STXBP5L: variants seen among roughly 807,000 people sequenced by gnomAD.
STXBP5L encodes syntaxin-binding protein 5-like.
Under a neutral mutation model 144.5 loss-of-function variants are expected in STXBP5L, and 65 were observed. The ratio of observed to expected loss-of-function variants is 0.45; its 90% CI spans 0.37 to 0.55. The LOEUF (loss-of-function observed/expected upper bound fraction) is 0.55. Ranked by LOEUF, STXBP5L falls within the 20% of genes least tolerant of loss-of-function variation. STXBP5L has a pLI of 0.00. For missense variants in STXBP5L, 1,298 were observed against 1,405.5 expected (o/e 0.92, Z 1.22); for synonymous variants, 505 against 469.6 (o/e 1.08, Z -0.97).
At position 121,248,525 on chromosome 3, in the gene STXBP5L, T is replaced by A. The variant is rs907297850; in HGVS notation, c.1401-2198T>A. On this transcript the variant is annotated intron_variant, in intron 14 of 26. Transcript: ENST00000471454. ...CTTTTTGGTTTGTTCAAGTTCCTCA[T>A]GGATTCTGGGTATTAGACATACTTT... Among the ~76,000 whole-genome samples, 8 of 152,330 alleles carry A rather than the reference T, an allele frequency of 5.3e-5. No homozygotes were observed. In the South Asian group the frequency reaches 1.2e-3, roughly 24 times the overall value.
intron 19 of STXBP5L, among the ~76,000 whole-genome samples, chr3:121,312,277 G>A (rs1220836214): frequency 6.6e-6 from 1 of 151,076 alleles, no homozygotes; most frequent in Non-Finnish European, 1.5e-5. Flanking sequence ...CAGGACATAG[G>A]CATGGGCAAG....
chr3:121,028,020 A>G (rs766745298), intron 3 of STXBP5L, among the ~76,000 whole-genome samples: 6 of 152,098 alleles, frequency 3.9e-5, no homozygotes, highest in Non-Finnish European at 7.4e-5. Context: ...GCCAGAAATA[A>G]TCTGTTCTGG....
rs2043022412 is a variant in STXBP5L at position 121,094,739 on chromosome 3, G to A, written c.471-20186G>A. Among the ~76,000 whole-genome samples the A allele has an allele frequency of 2.0e-5, 3 of 152,280 alleles. No individual in the cohort carries two copies. In the South Asian group the frequency reaches 6.2e-4, roughly 32 times the overall value. ...GACTCCTTATCCAATTTGCCAGTCT[G>A]TGTCTTTTAATTGGAGCATGTAGTC... is the stretch of plus-strand genomic sequence containing the variant. On this transcript the variant is annotated intron_variant, in intron 5 of 26. Coordinates refer to ENST00000471454, the MANE Select transcript of STXBP5L (RefSeq NM_001308330.2).
chr3:121,350,485 C>A (rs544939543), intron 20 of STXBP5L, among the ~76,000 whole-genome samples: 2 of 152,182 alleles, frequency 1.3e-5, no homozygotes, highest in South Asian at 4.1e-4. Flanking sequence ...CTCTGTATTT[C>A]TTGAATTTGA....
intron 3 of STXBP5L, among the ~76,000 whole-genome samples, chr3:120,991,536 G>A (rs1367423826): frequency 6.6e-6 from 1 of 152,260 alleles, no homozygotes; most frequent in African/African-American, 2.4e-5. Flanking sequence ...GCACATGTAT[G>A]TTTATGGTGG....
intron 6 of STXBP5L, 53 bp from the exon 7 acceptor site, chr3:121,121,588 G>A: frequency 7.8e-7 from 1 of 1,282,596 alleles, no homozygotes; most frequent in South Asian, 1.3e-5. Context: ...GTCTCTAGTG[G>A]TAAGGTATTT....
chr3:121,115,099 C>T (rs1159854058), intron 6 of STXBP5L, 40 bp downstream of exon 6: 1 of 1,573,782 alleles, frequency 6.4e-7, no homozygotes, highest in South Asian at 1.2e-5. Context: ...GGCTTAAATA[C>T]TTCATACAGT....
At chr3:121,350,455 A>T (rs1371878528) in intron 20 of STXBP5L, among the ~76,000 whole-genome samples, 7 of 152,018 alleles carry the variant, frequency 4.6e-5, no homozygotes, top group Non-Finnish European at 1.5e-5. Context: ...GCTCTTCTCG[A>T]GGAGTATCTT....
At chr3:121,091,141 G>T (rs1226766308) in intron 5 of STXBP5L, among the ~76,000 whole-genome samples, 2 of 148,484 alleles carry the variant, frequency 1.3e-5, no homozygotes, top group African/African-American at 2.5e-5. Context: ...GTATTCCATG[G>T]TGTATATGTG....
chr3:121,154,274 A>G (rs2046040646), intron 8 of STXBP5L, among the ~76,000 whole-genome samples: 1 of 151,836 alleles, frequency 6.6e-6, no homozygotes, highest in South Asian at 2.1e-4. Flanking sequence ...ATAGTTAAAT[A>G]CTTCATTTCA....
chr3:121,068,145 G>A (rs1322776150), intron 5 of STXBP5L, among the ~76,000 whole-genome samples: 2 of 151,988 alleles, frequency 1.3e-5, no homozygotes, highest in African/African-American at 4.8e-5. Context: ...AAGTAGCTGG[G>A]CCTACAGGCA....
chr3:121,323,757 T>TG (rs2044054344), intron 20 of STXBP5L, among the ~76,000 whole-genome samples: 2 of 151,662 alleles, frequency 1.3e-5, no homozygotes, highest in South Asian at 4.2e-4. Flanking sequence ...TACAACCTTT[T>TG]TTTTCTCACC....
intron 22 of STXBP5L, among the ~76,000 whole-genome samples, chr3:121,397,964 C>A (rs2046774171): frequency 6.6e-6 from 1 of 152,200 alleles, no homozygotes; most frequent in Non-Finnish European, 1.5e-5. Flanking sequence ...CTTTAAATTT[C>A]TTTCCCTGAA....
chr3:121,077,633 G>A lies in STXBP5L; in HGVS notation c.470+32098G>A, dbSNP rs138899251. Among the ~76,000 whole-genome samples the A allele has an allele frequency of 9.1e-3, 1,387 of 152,198 alleles. 19 individuals carry two copies. The highest frequency in any genetic ancestry group is 0.032 in the African/African-American group (1,331 of 41,518). The stretch of plus-strand genomic sequence containing the variant: ...CAGCCTGCTTTTATTCTCTTAACTG[G>A]CCCCACCCACATCCTGCTGATTGGT... On this transcript the variant is annotated intron_variant, in intron 5 of 26. Coordinates refer to ENST00000471454, the MANE Select transcript of STXBP5L (RefSeq NM_001308330.2).
intron 3 of STXBP5L, among the ~76,000 whole-genome samples, chr3:121,005,644 AG>A (rs1394071303): frequency 2.6e-5 from 4 of 151,942 alleles, no homozygotes; most frequent in Non-Finnish European, 5.9e-5. Flanking sequence ...TTGTGATGTT[AG>A]GGTGTCAATT....
At position 121,257,172 on chromosome 3, in the gene STXBP5L, A is replaced by G. The variant is rs932141750; in HGVS notation, c.1671A>G (p.Val557=). Residue 557 remains valine (V), a synonymous_variant, in exon 17 of 27, where the codon GTA becomes GTG. Coordinates refer to ENST00000471454, the MANE Select transcript of STXBP5L (RefSeq NM_001308330.2). ...TTGATTTTTTTAAGTCATTAGAGGTACGACTTCAGTATGATGTTGAAGATA... is the reference window on the plus strand; with the variant it reads ...TTGATTTTTTTAAGTCATTAGAGGTGCGACTTCAGTATGATGTTGAAGATA... The part of the protein sequence containing the change: ...EITTEIVSLE[V]RLQYDVEDII... The G allele has an allele frequency of 1.9e-5, 31 of 1,606,696 alleles. No individual in the cohort carries two copies. Among genetic ancestry groups the G allele is most frequent in the Non-Finnish European group, 2.6e-5 (31 of 1,175,474 alleles).
intron 18 of STXBP5L, among the ~76,000 whole-genome samples, chr3:121,259,960 A>G (rs186790095): frequency 6.6e-6 from 1 of 152,136 alleles, no homozygotes; most frequent in African/African-American, 2.4e-5. Flanking sequence ...CAGGTCTTTG[A>G]AAGTTGGATT....
intron 24 of STXBP5L, 66 bp downstream of exon 24, chr3:121,413,389 A>G: frequency 7.3e-7 from 1 of 1,367,582 alleles, no homozygotes. Context: ...AAAGATGTCT[A>G]AAAACAAAAA....
intron 9 of STXBP5L, among the ~76,000 whole-genome samples, chr3:121,167,692 C>T: frequency 6.6e-6 from 1 of 152,206 alleles, no homozygotes; most frequent in Admixed American, 6.5e-5. Context: ...CAGGGGCTTA[C>T]AGATAAAACC....
Sources: allele counts gnomAD v4.1 joint callset (sites outside exome capture counted in the v4.1 genomes callset), GRCh38; gene constraint gnomAD v4.1.1; transcripts MANE v1.5; gene names NCBI Gene and HGNC (gene_info 2026-07-23, HGNC 2026-07-21).